Variants in SPATA16 observed in about 807,000 individuals in gnomAD.
SPATA16 encodes the protein spermatogenesis associated 16, also known as spermatogenesis-associated protein 16.
Under a neutral mutation model 63.3 loss-of-function variants are expected in SPATA16, and 36 were observed. The observed-to-expected ratio is 0.57, with a 90% CI of 0.44 to 0.75. The LOEUF is 0.75. Ranked by LOEUF, SPATA16 falls within the 30% of genes least tolerant of loss-of-function variation. SPATA16 has a pLI of 0.00. For missense variants in SPATA16, 646 were observed against 679.3 expected (o/e 0.95, Z 0.54); for synonymous variants, 203 against 216.7 (o/e 0.94, Z 0.56).
chr3:173,013,060 CA>C (rs1374019841), intron 4 of SPATA16, among the ~76,000 whole-genome samples: 1 of 151,872 alleles, frequency 6.6e-6, no homozygotes, highest in Non-Finnish European at 1.5e-5. Context: ...GGAACTTAAG[CA>C]AAAAACAAGC....
At chr3:173,131,320 A>G (rs184379284) in intron 1 of SPATA16, among the ~76,000 whole-genome samples, 12 of 152,370 alleles carry the variant, frequency 7.9e-5, no homozygotes, top group African/African-American at 2.6e-4. Context: ...GAGAACTAAT[A>G]GAAAAGCAGA....
intron 3 of SPATA16, among the ~76,000 whole-genome samples, chr3:173,046,528 A>G (rs1187570930): frequency 6.6e-6 from 1 of 152,022 alleles, no homozygotes; most frequent in Non-Finnish European, 1.5e-5. Context: ...TCTCCTAAAA[A>G]TATGCAGTAG....
At chr3:172,915,597 A>C (rs1276343306) in intron 9 of SPATA16, among the ~76,000 whole-genome samples, 1 of 152,198 alleles carries the variant, frequency 6.6e-6, no homozygotes, top group East Asian at 1.9e-4. Flanking sequence ...CAGGCAGCAC[A>C]CTGTTTAGTA....
At chr3:172,917,264 A>G (rs993839734) in intron 8 of SPATA16, among the ~76,000 whole-genome samples, 1 of 152,228 alleles carries the variant, frequency 6.6e-6, no homozygotes, top group Non-Finnish European at 1.5e-5. Context: ...GTAATGCTTG[A>G]TAGGAGAGGC....
At chr3:173,053,302 A>C (rs2108296348) in intron 2 of SPATA16, among the ~76,000 whole-genome samples, 1 of 152,248 alleles carries the variant, frequency 6.6e-6, no homozygotes, top group Admixed American at 6.5e-5. Flanking sequence ...GCTTGAACCC[A>C]GGAAGCAGAG....
intron 3 of SPATA16, among the ~76,000 whole-genome samples, chr3:173,035,275 A>G (rs1735691425): frequency 6.6e-6 from 1 of 152,132 alleles, no homozygotes; most frequent in African/African-American, 2.4e-5. Flanking sequence ...GGAAAAATAA[A>G]AGGTTTAGGA....
Position 172,960,598 on chromosome 3 carries a change from T to A in SPATA16, c.934-3774A>T, listed in dbSNP as rs546453243. 4.6e-5 allele frequency among the ~76,000 whole-genome samples: 7 copies of A among 152,252 alleles called. No individual in the cohort carries two copies. The East Asian group carries it at 1.4e-3, about 29-fold the overall frequency. Reference sequence around the variant, plus strand: ...TAAGTAAAAAGAACCCCTTGCTACCTTAGAAATCAACTTGCCCAGGATGAC... The same window carrying A: ...TAAGTAAAAAGAACCCCTTGCTACCATAGAAATCAACTTGCCCAGGATGAC... On this transcript the variant is annotated intron_variant, in intron 5 of 10. Coordinates refer to ENST00000351008, the MANE Select transcript of SPATA16 (RefSeq NM_031955.6).
chr3:172,956,098 T>G (rs1285923712), intron 6 of SPATA16, among the ~76,000 whole-genome samples: 1 of 152,112 alleles, frequency 6.6e-6, no homozygotes, highest in Non-Finnish European at 1.5e-5. Context: ...TAATGCTTGA[T>G]GCACAGTAGG....
chr3:173,032,380 C>T (rs1304855679), intron 3 of SPATA16, among the ~76,000 whole-genome samples: 3 of 152,024 alleles, frequency 2.0e-5, no homozygotes, highest in African/African-American at 7.2e-5. Flanking sequence ...TATGGTCTAT[C>T]TTCTTTATAG....
At chr3:173,001,306 A>G (rs1426303699) in intron 4 of SPATA16, among the ~76,000 whole-genome samples, 1 of 139,140 alleles carries the variant, frequency 7.2e-6, no homozygotes, top group East Asian at 2.0e-4. Context: ...GTGCAATAGG[A>G]CGGCTAGAGG....
rs79545866 is a variant in SPATA16, at chr3:173,011,236, G to T, written c.848+8250C>A. Among the ~76,000 whole-genome samples the T allele has an allele frequency of 1.8e-4, 27 of 152,196 alleles. No homozygotes were observed. The East Asian group carries it at 5.2e-3, about 29-fold the overall frequency. On this transcript the variant is annotated intron_variant, in intron 4 of 10. Coordinates refer to ENST00000351008, the MANE Select transcript of SPATA16 (RefSeq NM_031955.6). ...CATAATAAAGTAAGCTTCATTCCTG[G>T]GGTACAAGGTTGATTCAACATAGGT...
chr3:173,026,915 T>G (rs185827107), intron 3 of SPATA16, among the ~76,000 whole-genome samples: 1 of 151,934 alleles, frequency 6.6e-6, no homozygotes, highest in East Asian at 1.9e-4. Context: ...ATTGAAATTC[T>G]GTACTTTTCT....
intron 2 of SPATA16, among the ~76,000 whole-genome samples, chr3:173,100,447 C>T (rs1452130878): frequency 6.6e-6 from 1 of 151,926 alleles, no homozygotes; most frequent in East Asian, 1.9e-4. Context: ...TGTGAAGCTA[C>T]CAGCTTTCAA....
intron 1 of SPATA16, among the ~76,000 whole-genome samples, chr3:173,136,990 A>G (rs1738563461): frequency 6.6e-6 from 1 of 152,228 alleles, no homozygotes; most frequent in South Asian, 2.1e-4. Flanking sequence ...CCATTTAAAA[A>G]CACTACTGAA....
intron 1 of SPATA16, among the ~76,000 whole-genome samples, chr3:173,127,382 T>A (rs1358041227): frequency 6.6e-6 from 1 of 152,228 alleles, no homozygotes; most frequent in East Asian, 1.9e-4. Flanking sequence ...TATGATACTA[T>A]TGTCTAATCT....
chr3:173,064,339 A>AC (rs1736461974), intron 2 of SPATA16, among the ~76,000 whole-genome samples: 1 of 151,210 alleles, frequency 6.6e-6, no homozygotes, highest in Non-Finnish European at 1.5e-5. Flanking sequence ...AAAAAAAAAA[A>AC]AGGAAGGGAA....
chr3:173,106,082 A>G (rs530870451), intron 2 of SPATA16, among the ~76,000 whole-genome samples: 13 of 152,304 alleles, frequency 8.5e-5, no homozygotes, highest in Admixed American at 7.2e-4. Flanking sequence ...GAGACTGAAT[A>G]CTATATTTTC....
intron 10 of SPATA16, among the ~76,000 whole-genome samples, chr3:172,899,225 A>G (rs1471053309): frequency 6.6e-6 from 1 of 152,036 alleles, no homozygotes; most frequent in African/African-American, 2.4e-5. Context: ...GAGAAAGGGA[A>G]GTTGAAATCT....
At chr3:172,893,787 G>T (rs1420240298) in intron 10 of SPATA16, among the ~76,000 whole-genome samples, 1 of 152,186 alleles carries the variant, frequency 6.6e-6, no homozygotes, top group African/African-American at 2.4e-5. Flanking sequence ...TCTCAAACAT[G>T]AATGAACAAG....
Sources: gnomAD v4.1 joint callset for allele counts (sites outside exome capture counted in the v4.1 genomes callset) on GRCh38, gnomAD v4.1.1 for gene constraint, MANE v1.5 for transcripts, NCBI Gene and HGNC (gene_info 2026-07-23, HGNC 2026-07-21) for gene names.